Variants in CLDND1 observed in about 807,000 individuals in gnomAD.
CLDND1 encodes claudin domain containing 1.
Under a neutral mutation model 26.3 loss-of-function variants are expected in CLDND1, and 13 were observed. The ratio of observed to expected loss-of-function variants is 0.49; its 90% CI spans 0.32 to 0.78. The LOEUF is 0.78. Ranked by LOEUF, CLDND1 falls within the 30% of genes least tolerant of loss-of-function variation. The pLI, the probability that CLDND1 is intolerant of heterozygous loss-of-function variation, is 0.03. For synonymous variants in CLDND1, 107 were observed against 107.0 expected (o/e 1.00, Z 0.00); for missense variants, 289 against 312.8 (o/e 0.92, Z 0.57).
intron 1 of CLDND1, chr3:98,521,749 A>G (rs1166036872): frequency 6.6e-7 from 1 of 1,507,074 alleles, no homozygotes; most frequent in Non-Finnish European, 9.2e-7. Flanking sequence ...ACAGATACAA[A>G]CAATAGACAT....
Position 98,518,985 on chromosome 3 carries a change from A to G in CLDND1, c.303T>C (p.Asp101=), listed in dbSNP as rs749465564. The change falls in exon 3 of 5, where the codon GAT becomes GAC. Residue 101 remains aspartate, a synonymous_variant. Coordinates refer to ENST00000341181, the MANE Select transcript of CLDND1 (RefSeq NM_001040181.2). ...TGAAACTCACACATTTTGTGACCAC[A>G]TCAAATGACTCTGGAACAAGAACAA... ...YSPPERTESF[D]VVTKCVSFTL... 10 of 1,593,174 alleles carry G rather than the reference A, an allele frequency of 6.3e-6. No individual in the cohort carries two copies.
In CLDND1 at chr3:98,516,170, A is replaced by G. The variant is rs939755557; in HGVS notation, c.*489T>C. ...GGAAAATGATCTTAGATAATTTCCC[A>G]ATTTTATAGAGCTTAAATCTTTGAA... On this transcript the variant is annotated 3_prime_UTR_variant, in exon 5 of 5. Coordinates refer to ENST00000341181, the MANE Select transcript of CLDND1 (RefSeq NM_001040181.2). The G allele has an allele frequency of 2.6e-5, 27 of 1,051,122 alleles. No individual in the cohort carries two copies. Among genetic ancestry groups the G allele is most frequent in the Non-Finnish European group, 3.0e-5 (26 of 870,144 alleles). The allele number at this position is 1,051,122 out of a possible 1,614,324, so 65.1% of individuals were successfully genotyped here.
chr3:98,516,956 C>T, intron 4 of CLDND1, 77 bp from the exon 5 acceptor site: 1 of 1,607,512 alleles, frequency 6.2e-7, no homozygotes, highest in Non-Finnish European at 8.5e-7. Context: ...GGCAATGTGA[C>T]AGGGCAGTTA....
At chr3:98,522,650 G>A in intron 1 of CLDND1, 199 bp downstream of exon 1, 2 of 1,415,426 alleles carry the variant, frequency 1.4e-6, no homozygotes, top group Admixed American at 3.0e-5. Context: ...CTGGGGCGGG[G>A]CAGCCGTGCT....
intron 2 of CLDND1, 43 bp from the exon 3 acceptor site, chr3:98,519,038 T>A (rs1156426581): frequency 1.7e-6 from 2 of 1,155,640 alleles, no homozygotes; most frequent in Admixed American, 1.9e-5. Context: ...TATAAACATT[T>A]AACAAAAATC....
Position 98,522,722 on chromosome 3 carries a change from G to A in CLDND1, c.-19+127C>T, listed in dbSNP as rs1024445194. The A allele has an allele frequency of 1.7e-5, 27 of 1,566,586 alleles. No individual in the cohort carries two copies. The Admixed American group carries it at 4.8e-4, about 28-fold the overall frequency. On this transcript the variant is annotated intron_variant, in intron 1 of 4. Transcript: ENST00000341181. ...CCCCGCCCTAGAGGGCTCGGCCCTG[G>A]GACAAATCCGCCGCTCGGAACCCGC...
rs1293037289 is a variant in CLDND1 at position 98,515,745 on chromosome 3, G to A, written c.*914C>T. On this transcript the variant is annotated 3_prime_UTR_variant, in exon 5 of 5. Coordinates refer to ENST00000341181, the MANE Select transcript of CLDND1 (RefSeq NM_001040181.2). ...CAAGAAATAAAGACCATAGTTGGAG[G>A]TTAATGGACAGCCAGAACTTTAGAT... 46 of 1,289,660 alleles carry A rather than the reference G, an allele frequency of 3.6e-5. No individual in the cohort carries two copies. The highest frequency in any genetic ancestry group is 4.6e-5 in the Non-Finnish European group (45 of 988,844). 79.9% of individuals were successfully genotyped at this position (1,289,660 alleles called of 1,614,324 possible).
Position 98,517,170 on chromosome 3 carries a change from G to A in CLDND1, c.423C>T (p.Phe141=). 6.2e-7 allele frequency: 1 copy of A among 1,613,208 alleles called. No homozygotes were observed. The highest frequency in any genetic ancestry group is 1.1e-5 in the South Asian group (1 of 90,742). ...LLRTYLWRCQ[F]LLPFVSLGLM... ...AACCTAAACTCACAAAAGGTAAAAG[G>A]AACTGGCAACGCCAAAGATCTGATT... The change falls in exon 4 of 5, where the codon TTC becomes TTT. Residue 141 remains phenylalanine, a synonymous_variant. Coordinates refer to ENST00000341181, the MANE Select transcript of CLDND1 (RefSeq NM_001040181.2).
At position 98,517,115 on chromosome 3, in the gene CLDND1, A is replaced by G. The variant is rs750245315; in HGVS notation, c.478T>C (p.Cys160Arg). 2 of 1,614,098 alleles carry G rather than the reference A, an allele frequency of 1.2e-6. No homozygotes were observed. Among genetic ancestry groups the G allele is most frequent in the Non-Finnish European group, 1.7e-6 (2 of 1,180,030 alleles). The change falls in exon 4 of 5, where the codon TGT (cysteine) becomes CGT (arginine). Residue 160 changes from cysteine to arginine, a missense_variant. By Grantham distance (180) the Cys-to-Arg change is radical (BLOSUM62 -3). Transcript: ENST00000341181. ...LMCFGALIGLCACICRSLYPT... is the reference protein window; with the variant it reads ...LMCFGALIGLRACICRSLYPT... ...TATAAGCTTCGGCAAATGCAAGCAC[A>G]AAGTCCGATCAAAGCCCCAAAGCAC...
intron 2 of CLDND1, among the ~76,000 whole-genome samples, chr3:98,519,320 C>T (rs1487424049): frequency 6.6e-6 from 1 of 152,216 alleles, no homozygotes; most frequent in Non-Finnish European, 1.5e-5. Context: ...TGCAACCGTG[C>T]TTTATCAACC....
chr3:98,521,907 T>G, intron 1 of CLDND1: 2 of 559,764 alleles, frequency 3.6e-6, no homozygotes, highest in Non-Finnish European at 6.4e-6. Context: ...CAGTTTCCTC[T>G]GAAGAGGGAA....
rs1278347658 is a variant in CLDND1, at chr3:98,516,269, T to A, written c.*390A>T. 9.7e-7 allele frequency: 1 copy of A among 1,027,078 alleles called. No homozygotes were observed. Among genetic ancestry groups the A allele is most frequent in the Non-Finnish European group, 1.2e-6 (1 of 855,924 alleles). The allele number at this position is 1,027,078 out of a possible 1,614,324, so 63.6% of individuals were successfully genotyped here. A position where few individuals can be genotyped will look rare whatever the true frequency, so the allele number is the denominator to read the frequency against. ...AACATAAAGTTTTGACGATGAGAGG[T>A]TTCCCAAAGAAACTAATATAGAGTT... is the stretch of plus-strand genomic sequence containing the variant. On this transcript the variant is annotated 3_prime_UTR_variant, in exon 5 of 5. Transcript: ENST00000341181.
At position 98,515,647 on chromosome 3, in the gene CLDND1, A is replaced by C. The variant is rs568754731; in HGVS notation, c.*1012T>G. 24 of 1,207,420 alleles carry C rather than the reference A, an allele frequency of 2.0e-5. No individual in the cohort carries two copies. The South Asian group carries it at 2.9e-4, about 14-fold the overall frequency. 74.8% of individuals were successfully genotyped at this position (1,207,420 alleles called of 1,614,324 possible). On this transcript the variant is annotated 3_prime_UTR_variant, in exon 5 of 5. Coordinates refer to ENST00000341181, the MANE Select transcript of CLDND1 (RefSeq NM_001040181.2). ...GACATACTTATAAAAAAATGACTGA[A>C]TTAGAAGACATTAAATAATGTTGAT...
intron 3 of CLDND1, 164 bp from the exon 4 acceptor site, chr3:98,517,353 C>A: frequency 1.3e-6 from 1 of 764,952 alleles, no homozygotes. Flanking sequence ...AAGGATGCTA[C>A]TCTTGTCCTG....
chr3:98,517,345 G>C, intron 3 of CLDND1, 156 bp from the exon 4 acceptor site: 1 of 811,436 alleles, frequency 1.2e-6, no homozygotes, highest in East Asian at 2.7e-5. Flanking sequence ...TTATTCAAAA[G>C]GATGCTACTC....
At chr3:98,517,003 C>A in intron 4 of CLDND1, 49 bp downstream of exon 4, 1 of 1,611,892 alleles carries the variant, frequency 6.2e-7, no homozygotes. Context: ...TCTTTGGTCC[C>A]TAAAGAGACA....
At chr3:98,522,640 C>G (rs899110995) in intron 1 of CLDND1, 5 of 1,408,558 alleles carry the variant, frequency 3.5e-6, no homozygotes, top group Non-Finnish European at 4.6e-6. Flanking sequence ...AAGGCCAGGG[C>G]TGGGGCGGGG....
Position 98,515,656 on chromosome 3 carries a change from C to A in CLDND1, c.*1003G>T. The A allele has an allele frequency of 8.2e-7, 1 of 1,224,804 alleles. No homozygotes were observed. 75.9% of individuals were successfully genotyped at this position (1,224,804 alleles called of 1,614,324 possible). A position where few individuals can be genotyped will look rare whatever the true frequency, so the allele number is the denominator to read the frequency against. ...ATAAAAAAATGACTGAATTAGAAGA[C>A]ATTAAATAATGTTGATACACACCAG... On this transcript the variant is annotated 3_prime_UTR_variant, in exon 5 of 5. Coordinates refer to ENST00000341181, the MANE Select transcript of CLDND1 (RefSeq NM_001040181.2).
chr3:98,518,414 T>TC (rs1706252700), intron 3 of CLDND1, among the ~76,000 whole-genome samples: 1 of 152,196 alleles, frequency 6.6e-6, no homozygotes, highest in African/African-American at 2.4e-5. Flanking sequence ...ATAAATACTT[T>TC]CATCTTTTTT....
Sources: gnomAD v4.1 joint callset for allele counts (sites outside exome capture counted in the v4.1 genomes callset) on GRCh38, gnomAD v4.1.1 for gene constraint, MANE v1.5 for transcripts, NCBI Gene and HGNC (gene_info 2026-07-23, HGNC 2026-07-21) for gene names.